Variants in PIR observed in about 807,000 individuals in gnomAD.
PIR encodes the protein pirin, also known as pirin (iron-binding nuclear protein).
PIR carries 22 observed loss-of-function variants against 24.2 expected under a neutral mutation model. That is an observed-to-expected ratio of 0.91 (90% CI 0.65 to 1.30). The LOEUF is 1.30. PIR is among the 50% of genes most tolerant of loss of function. PIR has a pLI of 0.00. For missense variants in PIR, 220 were observed against 220.3 expected (o/e 1.00, Z 0.01); for synonymous variants, 80 against 79.6 (o/e 1.00, Z -0.03).
intron 8 of PIR, among the ~76,000 whole-genome samples, chrX:15,393,477 A>C (rs1464954207): frequency 9.0e-6 from 1 of 111,202 alleles, no homozygotes; most frequent in East Asian, 2.8e-4. Context: ...CAGGCCATGG[A>C]CCAGTACCAA....
At chrX:15,477,433 C>G (rs1922251351) in intron 3 of PIR, among the ~76,000 whole-genome samples, 1 of 111,816 alleles carries the variant, frequency 8.9e-6, no homozygotes, top group African/African-American at 3.3e-5. Context: ...CTCAGTTGAT[C>G]AATACATGAC....
intron 6 of PIR, among the ~76,000 whole-genome samples, chrX:15,414,916 C>A (rs1267643495): frequency 8.9e-6 from 1 of 111,865 alleles, no homozygotes; most frequent in Non-Finnish European, 1.9e-5. Context: ...TTACATTGAT[C>A]ATCAATTTAA....
intron 6 of PIR, among the ~76,000 whole-genome samples, chrX:15,420,059 T>C (rs1388234023): frequency 2.7e-5 from 3 of 109,593 alleles, no homozygotes; most frequent in African/African-American, 1.0e-4. Context: ...TAGCCAGGCA[T>C]GGTGGCATGC....
intron 8 of PIR, among the ~76,000 whole-genome samples, chrX:15,392,898 A>G (rs897609572): frequency 8.9e-6 from 1 of 112,311 alleles, no homozygotes; most frequent in African/African-American, 3.2e-5. Context: ...ATCTTTCCAG[A>G]TATTCCAGAA....
chrX:15,439,304 C>T (rs998806099), intron 5 of PIR, among the ~76,000 whole-genome samples: 1 of 112,193 alleles, frequency 8.9e-6, no homozygotes, highest in Non-Finnish European at 1.9e-5. Context: ...TTCAAAGACT[C>T]GGTAACAAAA....
chrX:15,414,486 C>T (rs1186566548), intron 6 of PIR, among the ~76,000 whole-genome samples: 2 of 111,991 alleles, frequency 1.8e-5, no homozygotes, highest in African/African-American at 6.5e-5. Flanking sequence ...TCTATTTTAG[C>T]ACTCTAAAAC....
intron 5 of PIR, among the ~76,000 whole-genome samples, chrX:15,442,071 A>ATTT (rs1235696387): frequency 2.4e-3 from 236 of 100,222 alleles, no homozygotes; most frequent in African/African-American, 7.2e-3. Context: ...AAATATATGT[A>ATTT]TTTTTTTTTT....
chrX:15,410,202 G>A (rs1924695045), intron 6 of PIR, among the ~76,000 whole-genome samples: 1 of 110,895 alleles, frequency 9.0e-6, no homozygotes, highest in Non-Finnish European at 1.9e-5. Context: ...AGTGAGCCGA[G>A]ATCTCGCCAC....
At chrX:15,486,744 G>A (rs970250317) in intron 2 of PIR, among the ~76,000 whole-genome samples, 3 of 111,901 alleles carry the variant, frequency 2.7e-5, no homozygotes, top group African/African-American at 6.5e-5. Flanking sequence ...GGACTATAAG[G>A]CGATGCACTA....
In PIR at chrX:15,431,677, C is replaced by G. The variant is rs745652712; in HGVS notation, c.481-5687G>C. Among the ~76,000 whole-genome samples, 20 of 104,261 alleles carry G rather than the reference C, an allele frequency of 1.9e-4. No individual in the cohort carries two copies. The East Asian group carries it at 5.6e-3, about 29-fold the overall frequency. The allele number at this position is 104,261 out of a possible 115,157, so 90.5% of individuals were successfully genotyped here. On this transcript the variant is annotated intron_variant, in intron 5 of 9. Coordinates refer to ENST00000380420, the MANE Select transcript of PIR (RefSeq NM_001018109.3). Reference sequence around the variant, plus strand: ...TAAAAGTTAAAAAATAACCACCCCCCCCCCGAAAACCTTTGGAAAATGGAC... The same window carrying G: ...TAAAAGTTAAAAAATAACCACCCCCGCCCCGAAAACCTTTGGAAAATGGAC...
chrX:15,408,403 C>T (rs956127745), intron 6 of PIR, among the ~76,000 whole-genome samples: 2 of 111,445 alleles, frequency 1.8e-5, no homozygotes, highest in African/African-American at 6.5e-5. Context: ...TATAAATGGG[C>T]TCCAGGATGG....
At chrX:15,421,499 G>A (rs933342665) in intron 6 of PIR, among the ~76,000 whole-genome samples, 2 of 110,959 alleles carry the variant, frequency 1.8e-5, no homozygotes, top group Non-Finnish European at 3.8e-5. Flanking sequence ...AATCATTAGA[G>A]ACTATTATGA....
intron 2 of PIR, among the ~76,000 whole-genome samples, chrX:15,490,888 G>C (rs975350671): frequency 8.9e-6 from 1 of 112,269 alleles, no homozygotes; most frequent in African/African-American, 3.2e-5. Context: ...CAGATAGCAT[G>C]TCAGCCCAGG....
chrX:15,415,711 A>G (rs1043262293), intron 6 of PIR, among the ~76,000 whole-genome samples: 18 of 112,008 alleles, frequency 1.6e-4, no homozygotes, highest in East Asian at 1.4e-3. Flanking sequence ...GTGTATAAAT[A>G]CTTCAAAACA....
chrX:15,423,352 A>G (rs1455743160), intron 6 of PIR, among the ~76,000 whole-genome samples: 1 of 112,527 alleles, frequency 8.9e-6, no homozygotes, highest in East Asian at 2.8e-4. Context: ...GCGGTGGCTC[A>G]CGCCTGTAAT....
In PIR at chrX:15,423,476, C is replaced by T. The variant is rs773975280; in HGVS notation, c.565+2430G>A. Among the ~76,000 whole-genome samples, 17 of 111,051 alleles carry T rather than the reference C, an allele frequency of 1.5e-4. No homozygotes were observed. In the South Asian group the frequency reaches 5.8e-3, roughly 38 times the overall value. Reference sequence around the variant, plus strand: ...ACTAAAAATACAAAAATTAGCCAGGCGTGGTGGCACACACCTGTAATCCCA... The same window carrying T: ...ACTAAAAATACAAAAATTAGCCAGGTGTGGTGGCACACACCTGTAATCCCA... On this transcript the variant is annotated intron_variant, in intron 6 of 9. Coordinates refer to ENST00000380420, the MANE Select transcript of PIR (RefSeq NM_001018109.3).
At chrX:15,411,127 T>G (rs1476307448) in intron 6 of PIR, among the ~76,000 whole-genome samples, 1 of 111,353 alleles carries the variant, frequency 9.0e-6, no homozygotes, top group African/African-American at 3.3e-5. Context: ...TTTTCCTTTC[T>G]CCTACAAATA....
chrX:15,415,823 A>G (rs183743077), intron 6 of PIR, among the ~76,000 whole-genome samples: 16 of 111,707 alleles, frequency 1.4e-4, no homozygotes, highest in Non-Finnish European at 5.6e-5. Context: ...TGAAAGGCAA[A>G]ACAACAAAGC....
chrX:15,442,882 G>A (rs1925964572), intron 5 of PIR, among the ~76,000 whole-genome samples: 1 of 112,437 alleles, frequency 8.9e-6, no homozygotes, highest in Admixed American at 9.4e-5. Flanking sequence ...AAAAGTAGAA[G>A]GTAAAGTAGC....
Sources: allele counts gnomAD v4.1 joint callset (sites outside exome capture counted in the v4.1 genomes callset), GRCh38; gene constraint gnomAD v4.1.1; transcripts MANE v1.5; gene names NCBI Gene and HGNC (gene_info 2026-07-23, HGNC 2026-07-21).